Variants in WBP2NL observed in about 807,000 individuals in gnomAD.
WBP2NL encodes the protein postacrosomal sheath WW domain-binding protein.
WBP2NL carries 27 observed loss-of-function variants against 23.3 expected under a neutral mutation model. The ratio of observed to expected loss-of-function variants is 1.16; its 90% CI spans 0.85 to 1.60. The LOEUF (loss-of-function observed/expected upper bound fraction) is 1.60, where lower values mean the gene tolerates loss of function less well. Among genes scored for constraint, WBP2NL ranks in the 40% most tolerant of loss-of-function variants. The pLI, the probability that WBP2NL is intolerant of heterozygous loss-of-function variation, is 0.00. For missense variants in WBP2NL, 370 were observed against 389.5 expected, an observed-to-expected ratio of 0.95 and a Z score of 0.42; for synonymous variants, 151 against 145.9, an observed-to-expected ratio of 1.03 and a Z score of -0.25.
At chr22:42,031,556 A>T (rs887903721), downstream of WBP2NL, 1 of 152,164 alleles carries the variant, frequency 6.6e-6, no homozygotes, top group African/African-American at 2.4e-5. Context: ...ACTATCTGGT[A>T]TTGGCCCCTA....
chr22:42,026,843 G>C lies in WBP2NL; in HGVS notation c.592G>C (p.Ala198Pro). 2 of 1,612,558 alleles carry C rather than the reference G, an allele frequency of 1.2e-6. No homozygotes were observed. Among genetic ancestry groups the C allele is most frequent in the Middle Eastern group, 1.7e-4 (1 of 6,058 alleles). ...GYGAPPAGYG[A>P]QPVGNEGPPV... ...CGGAGCCCCACCTGCAGGATATGGAGCCCAACCCGTAGGAAATGAAGGCCC... is the reference window on the plus strand; with the variant it reads ...CGGAGCCCCACCTGCAGGATATGGACCCCAACCCGTAGGAAATGAAGGCCC... The change falls in exon 6 of 6, where the codon GCC becomes CCC. Residue 198 changes from alanine to proline, a missense_variant. Coordinates refer to ENST00000328823, the MANE Select transcript of WBP2NL (RefSeq NM_152613.3).
At chr22:42,056,316 A>G (rs1212910905) in intron 8 of WBP2NL, among the ~76,000 whole-genome samples, 1 of 152,076 alleles carries the variant, frequency 6.6e-6, no homozygotes, top group Non-Finnish European at 1.5e-5. Context: ...CTCCTCCTTT[A>G]TGCTGTTATT....
chr22:42,023,316 AG>A (rs1305588171), intron 5 of WBP2NL, among the ~76,000 whole-genome samples: 1 of 151,390 alleles, frequency 6.6e-6, no homozygotes, highest in Non-Finnish European at 1.5e-5. Flanking sequence ...CCCCCCAACC[AG>A]AGTAGGCTAG....
At chr22:42,049,700 CAA>C (rs1569455123) in intron 8 of WBP2NL, among the ~76,000 whole-genome samples, 1 of 36,492 alleles carries the variant, frequency 2.7e-5, no homozygotes, top group African/African-American at 9.8e-5. Context: ...CAAAACAAAA[CAA>C]AACAAAAAAA....
intron 8 of WBP2NL, among the ~76,000 whole-genome samples, chr22:42,056,654 A>C (rs1926042988): frequency 6.6e-6 from 1 of 152,092 alleles, no homozygotes; most frequent in Non-Finnish European, 1.5e-5. Flanking sequence ...AAATTTTTTC[A>C]TAGTCTTTTT....
chr22:42,048,161 C>G (rs1925671575), intron 8 of WBP2NL, among the ~76,000 whole-genome samples: 2 of 151,764 alleles, frequency 1.3e-5, no homozygotes, highest in Non-Finnish European at 2.9e-5. Flanking sequence ...GTGGCTCACA[C>G]CTGTAATCCC....
chr22:42,015,418 T>A (rs999088248), intron 1 of WBP2NL, among the ~76,000 whole-genome samples: 3 of 152,176 alleles, frequency 2.0e-5, no homozygotes, highest in Non-Finnish European at 2.9e-5. Context: ...TCCTTTTTTT[T>A]TTGAGACAGA....
At chr22:42,040,822 C>T (rs1726051084) in intron 8 of WBP2NL, among the ~76,000 whole-genome samples, 1 of 152,158 alleles carries the variant, frequency 6.6e-6, no homozygotes, top group South Asian at 2.1e-4. Flanking sequence ...TGTTTTGTGA[C>T]TTAAGATGTG....
rs893005191 is a variant in WBP2NL at position 42,027,555 on chromosome 22, T to C, written c.*374T>C. On this transcript the variant is annotated 3_prime_UTR_variant, in exon 6 of 6. Coordinates refer to ENST00000328823, the MANE Select transcript of WBP2NL (RefSeq NM_152613.3). Reference sequence around the variant, plus strand: ...GTTTGCTAGGCACTAAGATGCGTGCTAAAAACGTCATGTTGAACACTTAGT... The same window carrying C: ...GTTTGCTAGGCACTAAGATGCGTGCCAAAAACGTCATGTTGAACACTTAGT... The C allele has an allele frequency of 7.5e-6, 2 of 266,042 alleles. No individual in the cohort carries two copies. The highest frequency in any genetic ancestry group is 1.4e-5 in the Non-Finnish European group (2 of 141,432). 16.5% of individuals were successfully genotyped at this position (266,042 alleles called of 1,614,324 possible). A position where few individuals can be genotyped will look rare whatever the true frequency, so the allele number is the denominator to read the frequency against.
chr22:42,022,419 T>G, intron 5 of WBP2NL, 63 bp downstream of exon 5: 2 of 1,428,524 alleles, frequency 1.4e-6, no homozygotes, highest in Non-Finnish European at 1.9e-6. Flanking sequence ...CTCAAAGATC[T>G]ATCCCTTGCA....
intron 1 of WBP2NL, among the ~76,000 whole-genome samples, chr22:42,006,418 A>G (rs1922257583): frequency 6.6e-6 from 1 of 151,914 alleles, no homozygotes; most frequent in Admixed American, 6.6e-5. Context: ...GACTAAACCC[A>G]CTGATGGGGT....
At chr22:42,033,885 C>G (rs1276017076), downstream of WBP2NL, among the ~76,000 whole-genome samples, 1 of 152,184 alleles carries the variant, frequency 6.6e-6, no homozygotes, top group Non-Finnish European at 1.5e-5. Flanking sequence ...CCCAGAAAAG[C>G]CATCACAAGT....
intron 5 of WBP2NL, among the ~76,000 whole-genome samples, chr22:42,024,204 T>C (rs1403366605): frequency 6.6e-6 from 1 of 152,282 alleles, no homozygotes; most frequent in African/African-American, 2.4e-5. Flanking sequence ...TACTCCATTG[T>C]ACATATATAC....
intron 1 of WBP2NL, among the ~76,000 whole-genome samples, chr22:42,019,011 A>G (rs1923612722): frequency 6.6e-6 from 1 of 151,680 alleles, no homozygotes. Flanking sequence ...TCACAAGGTC[A>G]GGAGATCGAG....
In WBP2NL at chr22:42,000,894, T is replaced by C. The variant is rs143843486; in HGVS notation, c.62+2014T>C. Among the ~76,000 whole-genome samples the C allele has an allele frequency of 1.9e-3, 282 of 151,708 alleles. 5 individuals are homozygous for C. Among genetic ancestry groups the C allele is most frequent in the African/African-American group, 6.5e-3 (269 of 41,298 alleles). ...ATCACCCAAAAGGTGAACCAAAAGG[T>C]TGAGGCAGGAGAATTGCTCCACCAA... On this transcript the variant is annotated intron_variant, in intron 1 of 5. Coordinates refer to ENST00000328823, the MANE Select transcript of WBP2NL (RefSeq NM_152613.3).
At chr22:42,002,318 C>T (rs1244629209) in intron 1 of WBP2NL, among the ~76,000 whole-genome samples, 4 of 152,200 alleles carry the variant, frequency 2.6e-5, no homozygotes, top group African/African-American at 4.8e-5. Flanking sequence ...CGTGGTGGCT[C>T]ACGCCTGTAA....
chr22:42,039,146 A>G (rs893208480), intron 8 of WBP2NL, among the ~76,000 whole-genome samples: 1 of 150,450 alleles, frequency 6.6e-6, no homozygotes, highest in Non-Finnish European at 1.5e-5. Flanking sequence ...GTGTCGGCTC[A>G]CTGCAATTTC....
At chr22:42,022,443 C>CA in intron 5 of WBP2NL, 87 bp downstream of exon 5, 1 of 1,180,728 alleles carries the variant, frequency 8.5e-7, no homozygotes, top group Non-Finnish European at 1.2e-6. Context: ...TTGCTCCCTG[C>CA]AGGAGCAGCA....
intron 8 of WBP2NL, among the ~76,000 whole-genome samples, chr22:42,043,263 T>A (rs963160931): frequency 2.6e-5 from 4 of 152,092 alleles, no homozygotes; most frequent in South Asian, 2.1e-4. Flanking sequence ...AACTGTGTGG[T>A]CCTTGGAGAC....
Sources: allele counts gnomAD v4.1 joint callset (sites outside exome capture counted in the v4.1 genomes callset), GRCh38; gene constraint gnomAD v4.1.1; transcripts MANE v1.5; gene names NCBI Gene and HGNC (gene_info 2026-07-23, HGNC 2026-07-21).